PHF24: variants seen among roughly 807,000 people sequenced by gnomAD.
PHF24 encodes the protein Galpha inhibitory interacting protein.
Under a neutral mutation model 42.6 loss-of-function variants are expected in PHF24, and 25 were observed. The ratio of observed to expected loss-of-function variants is 0.59; its 90% CI spans 0.43 to 0.82. The LOEUF (loss-of-function observed/expected upper bound fraction) is 0.82. Among genes scored for constraint, PHF24 ranks in the 40% least tolerant of loss-of-function variants. The pLI, the probability that PHF24 is intolerant of heterozygous loss-of-function variation, is 0.00. For synonymous variants in PHF24, 185 were observed against 204.8 expected, an observed-to-expected ratio of 0.90 and a Z score of 0.83; for missense variants, 470 against 538.1, an observed-to-expected ratio of 0.87 and a Z score of 1.25.
chr9:34,939,234 G>A, the PHF24 span, among the ~76,000 whole-genome samples: 26 of 152,300 alleles, frequency 1.7e-4, no homozygotes, highest in Non-Finnish European at 3.2e-4. Flanking sequence ...AGCCAAGATC[G>A]TGCCATTGCA....
the PHF24 span, among the ~76,000 whole-genome samples, chr9:34,914,555 G>T: frequency 3.3e-5 from 5 of 151,996 alleles, no homozygotes; most frequent in Non-Finnish European, 5.9e-5. Flanking sequence ...TGTTTTTACA[G>T]TCTGGAAGTA....
the PHF24 span, among the ~76,000 whole-genome samples, chr9:34,890,142 AG>A: frequency 6.6e-6 from 1 of 151,938 alleles, no homozygotes; most frequent in Non-Finnish European, 1.5e-5. Flanking sequence ...TACCTAAGAA[AG>A]ATCCTGGAGA....
chr9:34,747,180 T>TG, the PHF24 span, among the ~76,000 whole-genome samples: 14 of 152,096 alleles, frequency 9.2e-5, no homozygotes, highest in African/African-American at 3.4e-4. Context: ...GACTGTGGGT[T>TG]GGGGGGTGGG....
the PHF24 span, among the ~76,000 whole-genome samples, chr9:34,921,249 T>G: frequency 6.6e-6 from 1 of 152,086 alleles, no homozygotes; most frequent in Non-Finnish European, 1.5e-5. Flanking sequence ...AACAATTATG[T>G]TTGAATTGTT....
chr9:34,815,353 C>T, the PHF24 span, among the ~76,000 whole-genome samples: 1 of 152,022 alleles, frequency 6.6e-6, no homozygotes, highest in African/African-American at 2.4e-5. Context: ...AATGTAGTCT[C>T]GCTCTGTCAC....
the PHF24 span, among the ~76,000 whole-genome samples, chr9:34,821,818 T>C: frequency 1.3e-5 from 2 of 152,216 alleles, no homozygotes; most frequent in Non-Finnish European, 2.9e-5. Flanking sequence ...ATTCCCACCT[T>C]ATGGATTTCA....
chr9:34,879,169 C>T, the PHF24 span, among the ~76,000 whole-genome samples: 1 of 152,180 alleles, frequency 6.6e-6, no homozygotes, highest in Admixed American at 6.5e-5. Context: ...GGAAAACTAA[C>T]AAACAGAAAG....
the PHF24 span, among the ~76,000 whole-genome samples, chr9:34,887,209 A>C: frequency 6.6e-6 from 1 of 152,186 alleles, no homozygotes; most frequent in East Asian, 1.9e-4. Context: ...AAATGCCTGT[A>C]ATCTCCTCTG....
the PHF24 span, among the ~76,000 whole-genome samples, chr9:34,711,283 G>T: frequency 2.1e-5 from 3 of 143,584 alleles, no homozygotes; most frequent in Admixed American, 7.1e-5. Context: ...GTCTCGCTTT[G>T]TCACCCAGGC....
intron 3 of PHF24, among the ~76,000 whole-genome samples, chr9:34,975,734 C>T (rs1285266746): frequency 6.6e-6 from 1 of 151,582 alleles, no homozygotes; most frequent in Non-Finnish European, 1.5e-5. Flanking sequence ...TTTAGCACAG[C>T]CTAACACAGA....
the PHF24 span, among the ~76,000 whole-genome samples, chr9:34,947,136 T>C: frequency 6.6e-6 from 1 of 152,374 alleles, no homozygotes; most frequent in African/African-American, 2.4e-5. Context: ...TAGCCAATTA[T>C]AGAGTCCCAT....
chr9:34,671,022 CCTAT>C, the PHF24 span, among the ~76,000 whole-genome samples: 1 of 152,172 alleles, frequency 6.6e-6, no homozygotes, highest in East Asian at 1.9e-4. Flanking sequence ...GTTCAGCTCC[CCTAT>C]CTCTCATCTC....
At chr9:34,723,802 A>T in the PHF24 span, 1 of 1,551,708 alleles carries the variant, frequency 6.4e-7, no homozygotes, top group Non-Finnish European at 8.7e-7. Context: ...CAAGGATGAC[A>T]GTTAGCTTGG....
chr9:34,899,224 C>T, the PHF24 span, among the ~76,000 whole-genome samples: 1 of 152,198 alleles, frequency 6.6e-6, no homozygotes. Flanking sequence ...CACGAAAAGC[C>T]TCTGTGGACG....
intron 3 of PHF24, 140 bp downstream of exon 3, chr9:34,972,671 T>G: frequency 1.4e-6 from 1 of 706,324 alleles, no homozygotes; most frequent in Non-Finnish European, 2.2e-6. Context: ...ATCCCAGCAC[T>G]TTGGGAGGCC....
the PHF24 span, among the ~76,000 whole-genome samples, chr9:34,796,390 T>G: frequency 1.3e-5 from 2 of 150,448 alleles, no homozygotes; most frequent in Non-Finnish European, 3.0e-5. Flanking sequence ...AAAATAAAAT[T>G]TCTTCATTGC....
chr9:34,969,208 G>A (rs962482678), intron 1 of PHF24, among the ~76,000 whole-genome samples: 2 of 152,234 alleles, frequency 1.3e-5, no homozygotes, highest in South Asian at 2.1e-4. Flanking sequence ...AGCACTGAAA[G>A]TTTTAATCAG....
the PHF24 span, among the ~76,000 whole-genome samples, chr9:34,790,565 T>C: frequency 2.0e-5 from 3 of 152,372 alleles, no homozygotes; most frequent in Middle Eastern, 6.8e-3. Flanking sequence ...ACATATTTAC[T>C]TTCTACCAGA....
At chr9:34,695,111 A>G in the PHF24 span, among the ~76,000 whole-genome samples, 3 of 152,170 alleles carry the variant, frequency 2.0e-5, no homozygotes, top group Non-Finnish European at 2.9e-5. Flanking sequence ...AGAGAGTTGG[A>G]ACATTCTCTA....
Sources: allele counts gnomAD v4.1 joint callset (sites outside exome capture counted in the v4.1 genomes callset), GRCh38; gene constraint gnomAD v4.1.1; transcripts MANE v1.5; gene names NCBI Gene and HGNC (gene_info 2026-07-23, HGNC 2026-07-21).